Variants in NKAIN2 observed in about 807,000 individuals in gnomAD.
NKAIN2 encodes sodium/potassium-transporting ATPase subunit beta-1-interacting protein 2.
A neutral mutation model predicts 32.6 loss-of-function variants in NKAIN2; 14 were observed. That is an observed-to-expected ratio of 0.43 (90% confidence interval 0.28 to 0.67). NKAIN2 has a LOEUF of 0.67. Ranked by LOEUF, NKAIN2 falls within the 30% of genes least tolerant of loss-of-function variation. NKAIN2 has a pLI of 0.17. For synonymous variants in NKAIN2, 80 were observed against 87.2 expected (o/e 0.92, Z 0.46); for missense variants, 198 against 258.3 (o/e 0.77, Z 1.60).
At chr6:123,904,554 A>G (rs988821138) in intron 1 of NKAIN2, among the ~76,000 whole-genome samples, 2 of 152,206 alleles carry the variant, frequency 1.3e-5, no homozygotes, top group African/African-American at 4.8e-5. Flanking sequence ...GGTTTCTTAC[A>G]ATGCACAAGT....
intron 3 of NKAIN2, among the ~76,000 whole-genome samples, chr6:124,606,700 G>A (rs562279520): frequency 6.6e-6 from 1 of 152,148 alleles, no homozygotes; most frequent in South Asian, 2.1e-4. Context: ...CTGCAATTAG[G>A]AAAAGTAAAA....
rs776669570 is a variant in NKAIN2, at chr6:124,250,933, G to T, written c.55-32072G>T. On this transcript the variant is annotated intron_variant, in intron 1 of 6. Coordinates refer to ENST00000368417, the MANE Select transcript of NKAIN2 (RefSeq NM_001040214.3). ...AAGGACTTGGTATCATCTGAAGAAA[G>T]ATAAAGATTATTATTTAAATGATGG... Among the ~76,000 whole-genome samples, 216 of 152,040 alleles carry T rather than the reference G, an allele frequency of 1.4e-3. 1 individual carries two copies. Among genetic ancestry groups the T allele is most frequent in the Non-Finnish European group, 1.9e-3 (129 of 67,898 alleles).
intron 1 of NKAIN2, among the ~76,000 whole-genome samples, chr6:123,911,807 A>ATGTATATATATATATATATATG (rs1562253444): frequency 9.6e-6 from 1 of 103,736 alleles, no homozygotes; most frequent in African/African-American, 4.4e-5. Context: ...ATATGTATAT[A>ATGTATATATATATATATATATG]TATATACACA....
intron 3 of NKAIN2, among the ~76,000 whole-genome samples, chr6:124,614,796 C>T (rs185813054): frequency 1.7e-3 from 253 of 152,272 alleles, no homozygotes; most frequent in Non-Finnish European, 3.0e-3. Flanking sequence ...TAGCTCAGAA[C>T]CTCACATATA....
chr6:124,616,202 TGTAA>T (rs1001711947), intron 3 of NKAIN2, among the ~76,000 whole-genome samples: 2 of 152,028 alleles, frequency 1.3e-5, no homozygotes, highest in African/African-American at 2.4e-5. Flanking sequence ...ATTCCCTTCT[TGTAA>T]GTGTCATCTC....
intron 4 of NKAIN2, among the ~76,000 whole-genome samples, chr6:124,700,850 T>A (rs1272169403): frequency 1.3e-5 from 2 of 149,788 alleles, no homozygotes; most frequent in Non-Finnish European, 3.0e-5. Context: ...AGGCTCTTCA[T>A]ATAGAAATTG....
intron 1 of NKAIN2, among the ~76,000 whole-genome samples, chr6:124,071,356 A>T (rs1416024390): frequency 6.6e-6 from 1 of 152,194 alleles, no homozygotes; most frequent in African/African-American, 2.4e-5. Flanking sequence ...TAAGACCTCA[A>T]ACTATAAGAA....
intron 1 of NKAIN2, among the ~76,000 whole-genome samples, chr6:123,887,044 G>A (rs1773750913): frequency 6.6e-6 from 1 of 152,124 alleles, no homozygotes; most frequent in South Asian, 2.1e-4. Context: ...CAGAATACAA[G>A]CCTGTTTGAT....
intron 3 of NKAIN2, among the ~76,000 whole-genome samples, chr6:124,404,857 TCTCAAATGAAATATA>T (rs1452622888): frequency 6.6e-6 from 1 of 152,174 alleles, no homozygotes; most frequent in Admixed American, 6.5e-5. Context: ...TTCATTTCAT[TCTCAAATGAAATATA>T]CTTAATACAG....
At chr6:124,662,278 C>A (rs1366790840) in intron 4 of NKAIN2, among the ~76,000 whole-genome samples, 5 of 148,368 alleles carry the variant, frequency 3.4e-5, no homozygotes, top group African/African-American at 1.3e-4. Flanking sequence ...GTGTGTTTTA[C>A]AAACAAATGT....
chr6:124,157,276 C>T (rs1325905999), intron 1 of NKAIN2, among the ~76,000 whole-genome samples: 2 of 151,676 alleles, frequency 1.3e-5, no homozygotes, highest in African/African-American at 2.4e-5. Flanking sequence ...CATACACACA[C>T]ACACACACAC....
At chr6:124,604,811 C>T (rs1782438402) in intron 3 of NKAIN2, among the ~76,000 whole-genome samples, 1 of 151,886 alleles carries the variant, frequency 6.6e-6, no homozygotes. Flanking sequence ...GATTTGTAAG[C>T]TCTAGGCTCA....
rs532356127 is a variant in NKAIN2, at chr6:124,239,900, A to G, written c.55-43105A>G. Among the ~76,000 whole-genome samples the G allele has an allele frequency of 2.9e-3, 436 of 152,330 alleles. 1 individual carries two copies. The highest frequency in any genetic ancestry group is 0.01 in the African/African-American group (419 of 41,582). On this transcript the variant is annotated intron_variant, in intron 1 of 6. Coordinates refer to ENST00000368417, the MANE Select transcript of NKAIN2 (RefSeq NM_001040214.3). Reference sequence around the variant, plus strand: ...AACAAGAAATAACTAAGATCAGAGCAGAACTGAAAGAGATATAGACACGAA... The same window carrying G: ...AACAAGAAATAACTAAGATCAGAGCGGAACTGAAAGAGATATAGACACGAA...
chr6:123,811,048 T>C (rs1296990045), intron 1 of NKAIN2, among the ~76,000 whole-genome samples: 9 of 152,166 alleles, frequency 5.9e-5, no homozygotes, highest in African/African-American at 2.2e-4. Flanking sequence ...GCACCAAATT[T>C]TGAGAACTAC....
intron 1 of NKAIN2, among the ~76,000 whole-genome samples, chr6:124,053,943 T>C (rs1230535421): frequency 3.9e-5 from 6 of 152,062 alleles, no homozygotes; most frequent in African/African-American, 1.2e-4. Context: ...AATTTAAAAC[T>C]ATTGGAAGAT....
intron 1 of NKAIN2, among the ~76,000 whole-genome samples, chr6:124,031,011 T>G (rs1252702261): frequency 6.6e-6 from 1 of 152,168 alleles, no homozygotes; most frequent in African/African-American, 2.4e-5. Context: ...AAAGTCATTT[T>G]CAGGAAGAAA....
chr6:124,369,225 G>A (rs980658), intron 3 of NKAIN2, among the ~76,000 whole-genome samples: 35,091 of 151,954 alleles, frequency 0.23, 4,134 homozygotes, highest in Admixed American at 0.3. Context: ...TTTTTATTCT[G>A]TCCCCCATTT....
chr6:124,492,605 T>C (rs140458393), intron 3 of NKAIN2, among the ~76,000 whole-genome samples: 5 of 152,112 alleles, frequency 3.3e-5, no homozygotes, highest in South Asian at 4.1e-4. Context: ...ATAAATAATA[T>C]GTTTGTTCAG....
intron 3 of NKAIN2, among the ~76,000 whole-genome samples, chr6:124,616,616 C>T (rs1181830723): frequency 1.3e-5 from 2 of 151,002 alleles, no homozygotes; most frequent in African/African-American, 4.9e-5. Flanking sequence ...AGCCGCCCGC[C>T]ACCACGCCCG....
Sources: allele counts gnomAD v4.1 joint callset (sites outside exome capture counted in the v4.1 genomes callset), GRCh38; gene constraint gnomAD v4.1.1; transcripts MANE v1.5; gene names NCBI Gene and HGNC (gene_info 2026-07-23, HGNC 2026-07-21).